The following CTNNBL1 variants were observed in gnomAD, a reference collection of about 807,000 sequenced individuals.
The protein encoded by CTNNBL1 is beta-catenin-like protein 1.
CTNNBL1 carries 31 observed loss-of-function variants against 72.7 expected under a neutral mutation model. The observed-to-expected ratio is 0.43, with a 90% CI of 0.32 to 0.58. The LOEUF (loss-of-function observed/expected upper bound fraction) is 0.58. Among genes scored for constraint, CTNNBL1 ranks in the 20% least tolerant of loss-of-function variants. The probability of loss-of-function intolerance (pLI) is 0.08; values close to 1 mark genes in which losing one functional copy is unlikely to be tolerated. For missense variants in CTNNBL1, 534 were observed against 725.1 expected, an observed-to-expected ratio of 0.74 and a Z score of 3.03; for synonymous variants, 240 against 267.3, an observed-to-expected ratio of 0.90 and a Z score of 1.00.
intron 13 of CTNNBL1, among the ~76,000 whole-genome samples, chr20:37,847,333 A>G (rs1461559077): frequency 6.6e-6 from 1 of 152,134 alleles, no homozygotes; most frequent in African/African-American, 2.4e-5. Flanking sequence ...TTCTGCTTTT[A>G]TGTTGTATTC....
intron 2 of CTNNBL1, among the ~76,000 whole-genome samples, chr20:37,734,226 C>T (rs1475273714): frequency 6.6e-6 from 1 of 152,168 alleles, no homozygotes; most frequent in Non-Finnish European, 1.5e-5. Flanking sequence ...GTGACAATAG[C>T]TCTGTCTTTA....
chr20:37,824,228 G>T (rs1407416768), intron 11 of CTNNBL1, among the ~76,000 whole-genome samples: 1 of 152,218 alleles, frequency 6.6e-6, no homozygotes, highest in Admixed American at 6.5e-5. Context: ...CCATTACAAG[G>T]ATGTGAGTTA....
In CTNNBL1 at chr20:37,867,378, C is replaced by T. The variant is rs981382213; in HGVS notation, c.1604-4547C>T. ...TCATCCAGGTCTCCGCCCTGGAAGA[C>T]GACTTTTCCCCATCCACCAGCCCCA... On this transcript the variant is annotated intron_variant, in intron 15 of 15. Coordinates refer to ENST00000361383, the MANE Select transcript of CTNNBL1 (RefSeq NM_030877.5). Among the ~76,000 whole-genome samples the T allele has an allele frequency of 5.9e-5, 9 of 152,256 alleles. No individual in the cohort carries two copies. The South Asian group carries it at 1.9e-3, about 32-fold the overall frequency.
intron 10 of CTNNBL1, among the ~76,000 whole-genome samples, chr20:37,780,163 A>G (rs1183520026): frequency 6.6e-6 from 1 of 151,976 alleles, no homozygotes; most frequent in African/African-American, 2.4e-5. Context: ...AAAAAAAAAA[A>G]AACAAGAAAA....
intron 12 of CTNNBL1, 70 bp downstream of exon 12, chr20:37,840,269 AG>A: frequency 8.5e-7 from 1 of 1,169,958 alleles, no homozygotes; most frequent in Non-Finnish European, 1.3e-6. Context: ...ATGTGATCTG[AG>A]GGATACTGGG....
intron 10 of CTNNBL1, among the ~76,000 whole-genome samples, chr20:37,790,332 A>G (rs2073713016): frequency 6.6e-6 from 1 of 152,088 alleles, no homozygotes; most frequent in Non-Finnish European, 1.5e-5. Flanking sequence ...CATCCTTTAC[A>G]TTTTTTAAGA....
At chr20:37,721,530 T>A (rs1337074776) in intron 1 of CTNNBL1, among the ~76,000 whole-genome samples, 3 of 152,218 alleles carry the variant, frequency 2.0e-5, no homozygotes, top group Non-Finnish European at 4.4e-5. Flanking sequence ...CTTTTTTCTC[T>A]TCAGTGTGTG....
chr20:37,821,803 A>G (rs2072110679), intron 11 of CTNNBL1, among the ~76,000 whole-genome samples: 1 of 152,194 alleles, frequency 6.6e-6, no homozygotes, highest in Non-Finnish European at 1.5e-5. Context: ...GCTCCCCTTC[A>G]TATTGTAGAG....
At chr20:37,842,677 A>G (rs2072314888) in intron 13 of CTNNBL1, among the ~76,000 whole-genome samples, 1 of 152,214 alleles carries the variant, frequency 6.6e-6, no homozygotes, top group Admixed American at 6.5e-5. Context: ...CACCCTTGAC[A>G]AGAGCTTCTC....
chr20:37,825,063 A>G (rs1207235187), intron 11 of CTNNBL1, among the ~76,000 whole-genome samples: 1 of 152,226 alleles, frequency 6.6e-6, no homozygotes, highest in Non-Finnish European at 1.5e-5. Flanking sequence ...CTAAGAAATA[A>G]GAGAATGGAC....
chr20:37,696,160 A>G (rs553585875), intron 1 of CTNNBL1, among the ~76,000 whole-genome samples: 5 of 152,360 alleles, frequency 3.3e-5, no homozygotes, highest in African/African-American at 9.6e-5. Context: ...TCCACTGGGT[A>G]TACAACACTG....
chr20:37,802,780 T>C (rs569591270), intron 10 of CTNNBL1, 87 bp from the exon 11 acceptor site: 18 of 1,043,220 alleles, frequency 1.7e-5, no homozygotes, highest in Middle Eastern at 6.4e-4. Context: ...AGATGTATAA[T>C]GTGTACGGCA....
At position 37,820,221 on chromosome 20, in the gene CTNNBL1, G is replaced by A. The variant is rs146644953; in HGVS notation, c.1213+17173G>A. On this transcript the variant is annotated intron_variant, in intron 11 of 15. Coordinates refer to ENST00000361383, the MANE Select transcript of CTNNBL1 (RefSeq NM_030877.5). ...ATTCTTCTGTGTTGATACTGGTTTC[G>A]GTCTCCTTAAGGCAAATATTTCCTT... Among the ~76,000 whole-genome samples the A allele has an allele frequency of 4.0e-5, 6 of 151,864 alleles. No homozygotes were observed. In the East Asian group the frequency reaches 9.7e-4, roughly 25 times the overall value.
intron 10 of CTNNBL1, among the ~76,000 whole-genome samples, chr20:37,781,683 A>G (rs1360353862): frequency 6.6e-6 from 1 of 152,132 alleles, no homozygotes; most frequent in Non-Finnish European, 1.5e-5. Flanking sequence ...TTTTTTCCAT[A>G]CTATAGTCAC....
chr20:37,777,712 CGTGA>C lies in CTNNBL1; in HGVS notation c.882+3_882+6del. On this transcript the variant is annotated splice_donor_variant and splice_donor_region_variant and intron_variant, in intron 9 of 15. Transcript: ENST00000361383. LOFTEE classifies it high-confidence loss of function. ...TCGATGTGCTTCTTCAGCAGTTATC[CGTGA>C]GTAATTCTTATGCTTCCTGTCTGCT... 1 of 1,613,310 alleles carries C rather than the reference CGTGA, an allele frequency of 6.2e-7. No homozygotes were observed. Among genetic ancestry groups the C allele is most frequent in the Non-Finnish European group, 8.5e-7 (1 of 1,179,442 alleles).
At chr20:37,831,441 C>T (rs930594979) in intron 11 of CTNNBL1, among the ~76,000 whole-genome samples, 2 of 151,860 alleles carry the variant, frequency 1.3e-5, no homozygotes, top group African/African-American at 4.8e-5. Flanking sequence ...TCTCGGCTCA[C>T]TGTAAGCTCC....
chr20:37,759,657 T>TAA (rs1194424375), intron 5 of CTNNBL1, among the ~76,000 whole-genome samples: 3 of 152,204 alleles, frequency 2.0e-5, no homozygotes, highest in Admixed American at 6.5e-5. Context: ...GTTTAAGATT[T>TAA]TGACTCTTAC....
chr20:37,744,671 A>T (rs887204393), intron 3 of CTNNBL1: 1 of 152,108 alleles, frequency 6.6e-6, no homozygotes, highest in Admixed American at 6.6e-5. Flanking sequence ...TGAGTGAGGG[A>T]TTTTGCCATG....
At chr20:37,753,768 A>G (rs770559157) in intron 4 of CTNNBL1, among the ~76,000 whole-genome samples, 2 of 152,158 alleles carry the variant, frequency 1.3e-5, no homozygotes, top group Non-Finnish European at 2.9e-5. Flanking sequence ...CCTTATAGCT[A>G]CTCAGTGGAA....
Sources: allele counts gnomAD v4.1 joint callset (sites outside exome capture counted in the v4.1 genomes callset), GRCh38; gene constraint gnomAD v4.1.1; transcripts MANE v1.5; gene names NCBI Gene and HGNC (gene_info 2026-07-23, HGNC 2026-07-21).